SLC7A1: variants seen among roughly 807,000 people sequenced by gnomAD.
SLC7A1 encodes the protein solute carrier family 7 member 1.
A neutral mutation model predicts 53.9 loss-of-function variants in SLC7A1; 10 were observed. The observed-to-expected ratio is 0.19, with a 90% CI of 0.11 to 0.31. The LOEUF (loss-of-function observed/expected upper bound fraction) is 0.31, where lower values mean the gene tolerates loss of function less well. Ranked by LOEUF, SLC7A1 falls within the 10% of genes least tolerant of loss-of-function variation. The pLI is 1.00. For missense variants in SLC7A1, 525 were observed against 827.2 expected, an observed-to-expected ratio of 0.63 and a Z score of 4.48; for synonymous variants, 342 against 338.7, an observed-to-expected ratio of 1.01 and a Z score of -0.11.
intron 1 of SLC7A1, among the ~76,000 whole-genome samples, chr13:29,556,571 G>A (rs1416548418): frequency 1.3e-5 from 2 of 152,078 alleles, no homozygotes; most frequent in African/African-American, 4.8e-5. Flanking sequence ...TAGAAACAGG[G>A]TTTTGCCACA....
rs574665474 is a variant in SLC7A1 at position 29,528,902 on chromosome 13, C to T, written c.704+1636G>A. Among the ~76,000 whole-genome samples the T allele has an allele frequency of 5.9e-5, 9 of 152,300 alleles. No individual in the cohort carries two copies. In the East Asian group the frequency reaches 1.7e-3, roughly 29 times the overall value. On this transcript the variant is annotated intron_variant, in intron 5 of 12. Coordinates refer to ENST00000380752, the MANE Select transcript of SLC7A1 (RefSeq NM_003045.5). The stretch of plus-strand genomic sequence containing the variant: ...TGAGGATGACCAGTGAAAGTAAATA[C>T]CATTGGCTGGCACAATCTCTTCATA...
chr13:29,519,676 C>A, intron 8 of SLC7A1, 127 bp from the exon 9 acceptor site: 1 of 584,128 alleles, frequency 1.7e-6, no homozygotes, highest in Non-Finnish European at 3.1e-6. Flanking sequence ...CCTCCCTGGC[C>A]TTCCCATGGA....
At chr13:29,534,052 G>C (rs1431359710) in intron 3 of SLC7A1, among the ~76,000 whole-genome samples, 1 of 152,022 alleles carries the variant, frequency 6.6e-6, no homozygotes, top group African/African-American at 2.4e-5. Flanking sequence ...CTGTAAAAAT[G>C]GTCTCACCAT....
intron 1 of SLC7A1, among the ~76,000 whole-genome samples, chr13:29,578,903 T>G (rs1871525063): frequency 6.6e-6 from 1 of 152,240 alleles, no homozygotes; most frequent in African/African-American, 2.4e-5. Context: ...AGGCAAGAAC[T>G]CTCGCTCTCA....
At chr13:29,546,077 T>C (rs1046334179) in intron 2 of SLC7A1, among the ~76,000 whole-genome samples, 5 of 152,178 alleles carry the variant, frequency 3.3e-5, no homozygotes, top group African/African-American at 1.2e-4. Context: ...GACACGTGCC[T>C]TTTCATCACA....
At chr13:29,549,528 C>G (rs1229400697) in intron 2 of SLC7A1, among the ~76,000 whole-genome samples, 1 of 152,206 alleles carries the variant, frequency 6.6e-6, no homozygotes. Flanking sequence ...GAGCCAGCCC[C>G]TCAATATGCC....
chr13:29,536,146 G>A lies in SLC7A1; in HGVS notation c.43C>T (p.Arg15Trp). The A allele has an allele frequency of 1.9e-6, 3 of 1,613,916 alleles. No homozygotes were observed. Among genetic ancestry groups the A allele is most frequent in the Admixed American group, 1.7e-5 (1 of 60,028 alleles). ...VLLNIGQQMLRRKVVDCSREE... is the reference protein window; with the variant it reads ...VLLNIGQQMLWRKVVDCSREE... ...CGGCTACAGTCCACCACCTTCCGCC[G>A]CAGCATCTGCTGCCCAATGTTGAGC... Residue 15 changes from arginine (R) to tryptophan (W), a missense_variant, in exon 3 of 13, where the codon CGG becomes TGG. This residue lies in a region of SLC7A1 where 354 missense variants were observed against 587.5 expected (regional missense o/e 0.60). Transcript: ENST00000380752.
At chr13:29,578,750 A>G (rs929606058) in intron 1 of SLC7A1, among the ~76,000 whole-genome samples, 2 of 152,202 alleles carry the variant, frequency 1.3e-5, no homozygotes, top group African/African-American at 4.8e-5. Flanking sequence ...GGATCCACCA[A>G]TGCTGGAAAA....
At chr13:29,550,924 G>T (rs1870151843) in intron 2 of SLC7A1, among the ~76,000 whole-genome samples, 1 of 152,260 alleles carries the variant, frequency 6.6e-6, no homozygotes, top group South Asian at 2.1e-4. Flanking sequence ...GGGGGGCTAA[G>T]AACCAGAGCA....
chr13:29,581,735 C>T (rs1871655679), intron 1 of SLC7A1, among the ~76,000 whole-genome samples: 1 of 152,252 alleles, frequency 6.6e-6, no homozygotes, highest in Non-Finnish European at 1.5e-5. Flanking sequence ...TCTCCCACCT[C>T]ATCTGCCCAT....
At chr13:29,525,689 G>A (rs1262328272) in intron 5 of SLC7A1, among the ~76,000 whole-genome samples, 4 of 152,346 alleles carry the variant, frequency 2.6e-5, no homozygotes, top group Middle Eastern at 3.4e-3. Flanking sequence ...TCATGTAGAT[G>A]TGGGGTTTAC....
At chr13:29,527,695 G>A (rs543543024) in intron 5 of SLC7A1, among the ~76,000 whole-genome samples, 43 of 152,162 alleles carry the variant, frequency 2.8e-4, no homozygotes, top group African/African-American at 9.9e-4. Context: ...TCAGCTGGTC[G>A]CTCAGAAGCA....
chr13:29,514,187 G>A lies in SLC7A1; in HGVS notation c.*293C>T, dbSNP rs1210348271. On this transcript the variant is annotated 3_prime_UTR_variant, in exon 13 of 13. Transcript: ENST00000380752. ...CTGCCTGAGGCTGCGGCAGCTCGGG[G>A]CTGAGCTGGTAGGGGAGGAACTGCT... 1.2e-5 allele frequency: 5 copies of A among 416,716 alleles called. No individual in the cohort carries two copies. Among genetic ancestry groups the A allele is most frequent in the Non-Finnish European group, 1.8e-5 (4 of 228,418 alleles). The allele number at this position is 416,716 out of a possible 1,614,324, so 25.8% of individuals were successfully genotyped here. A position where few individuals can be genotyped will look rare whatever the true frequency, so the allele number is the denominator to read the frequency against.
intron 2 of SLC7A1, among the ~76,000 whole-genome samples, chr13:29,546,881 A>C (rs1411723878): frequency 6.6e-6 from 1 of 152,208 alleles, no homozygotes; most frequent in African/African-American, 2.4e-5. Context: ...GCTCCACGCC[A>C]CACACATGCA....
rs192880323 is a variant in SLC7A1, at chr13:29,511,358, G to C, written c.*3122C>G. ...TTTTACTGCTGCAAAAACCAAAAGT[G>C]GGGGGAGATCTCAGCAATTCTGACA... On this transcript the variant is annotated 3_prime_UTR_variant, in exon 13 of 13. Coordinates refer to ENST00000380752, the MANE Select transcript of SLC7A1 (RefSeq NM_003045.5). 1.7e-4 allele frequency: 26 copies of C among 152,248 alleles called. No homozygotes were observed. Among genetic ancestry groups the C allele is most frequent in the Admixed American group, 2.0e-4 (3 of 15,278 alleles). The allele number at this position is 152,248 out of a possible 1,614,324, so 9.4% of individuals were successfully genotyped here.
chr13:29,522,166 C>T, intron 8 of SLC7A1, 151 bp downstream of exon 8: 1 of 847,458 alleles, frequency 1.2e-6, no homozygotes, highest in Non-Finnish European at 1.9e-6. Flanking sequence ...GGTCAGTCAA[C>T]TTTCAATGAA....
rs538149412 is a variant in SLC7A1, at chr13:29,514,279, T to C, written c.*201A>G. 1.4e-5 allele frequency: 8 copies of C among 587,134 alleles called. No homozygotes were observed. In the African/African-American group the frequency reaches 1.5e-4, roughly 11 times the overall value. 36.4% of individuals were successfully genotyped at this position (587,134 alleles called of 1,614,324 possible). A position where few individuals can be genotyped will look rare whatever the true frequency, so the allele number is the denominator to read the frequency against. Reference sequence around the variant, plus strand: ...TAGTGGCCCCGGCCAGGCAGCTGTCTGGAGGTGACCAGGGCCCGGAGAACC... The same window carrying C: ...TAGTGGCCCCGGCCAGGCAGCTGTCCGGAGGTGACCAGGGCCCGGAGAACC... On this transcript the variant is annotated 3_prime_UTR_variant, in exon 13 of 13. Coordinates refer to ENST00000380752, the MANE Select transcript of SLC7A1 (RefSeq NM_003045.5).
At chr13:29,574,839 T>C (rs904072217) in intron 1 of SLC7A1, among the ~76,000 whole-genome samples, 30 of 151,844 alleles carry the variant, frequency 2.0e-4, no homozygotes, top group African/African-American at 6.8e-4. Context: ...ATAGACGGGG[T>C]TTCACCATGT....
chr13:29,560,089 AT>A (rs1400954528), intron 1 of SLC7A1, among the ~76,000 whole-genome samples: 4 of 151,922 alleles, frequency 2.6e-5, no homozygotes, highest in African/African-American at 4.8e-5. Flanking sequence ...GTACAAAAAT[AT>A]TTTTTATGTC....
Sources: allele counts gnomAD v4.1 joint callset (sites outside exome capture counted in the v4.1 genomes callset), GRCh38; gene constraint gnomAD v4.1.1; regional missense constraint gnomAD v4.1.1; transcripts MANE v1.5; gene names NCBI Gene and HGNC (gene_info 2026-07-23, HGNC 2026-07-21).